The following PRDM16 variants were observed in gnomAD, a reference collection of about 807,000 sequenced individuals.
PRDM16 encodes PR/SET domain 16.
Under a neutral mutation model 110.6 loss-of-function variants are expected in PRDM16, and 23 were observed. The ratio of observed to expected loss-of-function variants is 0.21; its 90% CI spans 0.15 to 0.29. The LOEUF is 0.29. PRDM16 is among the 10% of genes least tolerant of loss of function. PRDM16 has a pLI of 1.00. For missense variants in PRDM16, 1,615 were observed against 1,794.3 expected, an observed-to-expected ratio of 0.90 and a Z score of 1.81; for synonymous variants, 799 against 781.8, an observed-to-expected ratio of 1.02 and a Z score of -0.37.
At chr1:3,269,931 GGGA>G (rs747234390) in intron 3 of PRDM16, among the ~76,000 whole-genome samples, 6 of 148,904 alleles carry the variant, frequency 4.0e-5, no homozygotes, top group Non-Finnish European at 8.9e-5. Flanking sequence ...GAGGACAATC[GGGA>G]GGAGGACAGT....
intron 3 of PRDM16, among the ~76,000 whole-genome samples, chr1:3,294,255 G>A (rs1009308167): frequency 2.6e-5 from 4 of 152,188 alleles, no homozygotes; most frequent in Non-Finnish European, 5.9e-5. Context: ...GGCAGAGTCT[G>A]CTGGCTAGGA....
intron 2 of PRDM16, among the ~76,000 whole-genome samples, chr1:3,200,032 A>C (rs1313562695): frequency 2.0e-5 from 3 of 152,234 alleles, no homozygotes; most frequent in Non-Finnish European, 4.4e-5. Context: ...CCTGGTGCAC[A>C]TGGGTGAATG....
At chr1:3,309,577 G>A (rs909797160) in intron 3 of PRDM16, 1 of 152,386 alleles carries the variant, frequency 6.6e-6, no homozygotes, top group Admixed American at 6.5e-5. Context: ...GATGGAATGA[G>A]GAGGCTGCTA....
rs369331524 is a variant in PRDM16, at chr1:3,425,791, C to T, written c.3109+41C>T. 108 of 1,607,714 alleles carry T rather than the reference C, an allele frequency of 6.7e-5. No homozygotes were observed. In the African/African-American group the frequency reaches 1.2e-3, roughly 18 times the overall value. On this transcript the variant is annotated intron_variant, in intron 13 of 16. Coordinates refer to ENST00000270722, the MANE Select transcript of PRDM16 (RefSeq NM_022114.4). This position sits in a 1 kb window ranked among gnomAD's most constrained non-coding sequence, Gnocchi z 6.9. ...TGGGGCAGCCCCCAGAGCACCCACA[C>T]GGGCAGGCCCCACAGAGGGGGAGGG... is the stretch of plus-strand genomic sequence containing the variant.
At chr1:3,130,621 A>G (rs1643312987) in intron 1 of PRDM16, among the ~76,000 whole-genome samples, 1 of 152,102 alleles carries the variant, frequency 6.6e-6, no homozygotes, top group African/African-American at 2.4e-5. Context: ...CGCCCCACGC[A>G]CAGCTCTGCG....
At chr1:3,336,794 A>G (rs1642165882) in intron 3 of PRDM16, among the ~76,000 whole-genome samples, 1 of 150,606 alleles carries the variant, frequency 6.6e-6, no homozygotes, top group Non-Finnish European at 1.5e-5. Context: ...GAATGCATGC[A>G]TGCACATGTG....
At chr1:3,340,767 C>T (rs770272076) in intron 3 of PRDM16, among the ~76,000 whole-genome samples, 28 of 152,226 alleles carry the variant, frequency 1.8e-4, no homozygotes, top group African/African-American at 5.1e-4. Context: ...AGATGAACAA[C>T]GGCCTCTTTA....
chr1:3,312,711 G>A (rs901706038), intron 3 of PRDM16, among the ~76,000 whole-genome samples: 11 of 152,244 alleles, frequency 7.2e-5, no homozygotes, highest in African/African-American at 2.4e-4. Context: ...CAAATACTCC[G>A]CCGCTTTTCA....
intron 1 of PRDM16, among the ~76,000 whole-genome samples, chr1:3,084,735 G>A (rs901368196): frequency 4.6e-5 from 7 of 152,162 alleles, no homozygotes; most frequent in Non-Finnish European, 8.8e-5. Flanking sequence ...GCAGAAAAAC[G>A]TCCAGAGAGG....
At chr1:3,287,140 C>T (rs887942592) in intron 3 of PRDM16, among the ~76,000 whole-genome samples, 5 of 152,218 alleles carry the variant, frequency 3.3e-5, no homozygotes, top group South Asian at 2.1e-4. Context: ...GCAGCATGGA[C>T]GCTGGGAAGT....
At chr1:3,160,793 G>A (rs958750216) in intron 1 of PRDM16, among the ~76,000 whole-genome samples, 6 of 152,202 alleles carry the variant, frequency 3.9e-5, no homozygotes, top group East Asian at 1.9e-4. Context: ...CTTCATGGGC[G>A]GGGCACTGTT....
In PRDM16 at chr1:3,165,529, T is replaced by G. The variant is rs34874735; in HGVS notation, c.38-20596T>G. On this transcript the variant is annotated intron_variant, in intron 1 of 16. Transcript: ENST00000270722. ...GGGACTCACCTGGGCTCAGGGACAG[T>G]GACTCACCTGGGCTCAGGGACAGGG... 6.6e-3 allele frequency among the ~76,000 whole-genome samples: 387 copies of G among 58,406 alleles called. 3 individuals are homozygous for G. The highest frequency in any genetic ancestry group is 0.036 in the Middle Eastern group (3 of 84). The allele number at this position is 58,406 out of a possible 152,430, so 38.3% of individuals were successfully genotyped here.
intron 1 of PRDM16, among the ~76,000 whole-genome samples, chr1:3,096,377 C>T (rs1570242774): frequency 6.6e-6 from 1 of 152,170 alleles, no homozygotes; most frequent in East Asian, 1.9e-4. Context: ...CTCTGTGCAC[C>T]ATCCCTTGTC....
In PRDM16 at chr1:3,139,822, G is replaced by A. The variant is rs569334400; in HGVS notation, c.38-46303G>A. 6.0e-4 allele frequency among the ~76,000 whole-genome samples: 92 copies of A among 152,332 alleles called. 2 individuals carry two copies. Among genetic ancestry groups the A allele is most frequent in the African/African-American group, 2.2e-3 (90 of 41,572 alleles). Reference sequence around the variant, plus strand: ...TCCAGGCTGAGAGTGGTTTGGTGGGGGTAGCAGTAGGTGAAAGACGGTCCT... The same window carrying A: ...TCCAGGCTGAGAGTGGTTTGGTGGGAGTAGCAGTAGGTGAAAGACGGTCCT... On this transcript the variant is annotated intron_variant, in intron 1 of 16. Coordinates refer to ENST00000270722, the MANE Select transcript of PRDM16 (RefSeq NM_022114.4).
intron 1 of PRDM16, among the ~76,000 whole-genome samples, chr1:3,114,397 C>T (rs535853249): frequency 1.2e-4 from 17 of 138,236 alleles, no homozygotes; most frequent in Admixed American, 2.2e-4. Flanking sequence ...CGCGCACGCA[C>T]GCGCACACAC....
chr1:3,340,625 G>A (rs771665823), intron 3 of PRDM16, among the ~76,000 whole-genome samples: 8 of 152,128 alleles, frequency 5.3e-5, no homozygotes, highest in Non-Finnish European at 8.8e-5. Flanking sequence ...AAATAGAGCC[G>A]GGACACTCAA....
At chr1:3,098,546 C>T (rs1002207065) in intron 1 of PRDM16, among the ~76,000 whole-genome samples, 26 of 152,174 alleles carry the variant, frequency 1.7e-4, no homozygotes, top group South Asian at 6.2e-4. Context: ...GGTGAAGGTC[C>T]GACCCAGAGC....
At chr1:3,171,876 G>A (rs1299782204) in intron 1 of PRDM16, among the ~76,000 whole-genome samples, 1 of 152,102 alleles carries the variant, frequency 6.6e-6, no homozygotes, top group Non-Finnish European at 1.5e-5. Flanking sequence ...GCTTGGATCA[G>A]GCGCCTCCCG....
chr1:3,251,732 T>A (rs1639938105), intron 3 of PRDM16, among the ~76,000 whole-genome samples: 1 of 152,184 alleles, frequency 6.6e-6, no homozygotes, highest in South Asian at 2.1e-4. Context: ...GCAGCAGGAT[T>A]TATTGGCTAC....
Sources: allele counts gnomAD v4.1 joint callset (sites outside exome capture counted in the v4.1 genomes callset), GRCh38; gene constraint gnomAD v4.1.1; non-coding constraint Gnocchi (gnomAD v3.1); transcripts MANE v1.5; gene names NCBI Gene and HGNC (gene_info 2026-07-23, HGNC 2026-07-21).